PLCB4: variants seen among roughly 807,000 people sequenced by gnomAD.
PLCB4 encodes the protein 1-phosphatidylinositol 4,5-bisphosphate phosphodiesterase beta-4.
Under a neutral mutation model 178.8 loss-of-function variants are expected in PLCB4, and 77 were observed. The ratio of observed to expected loss-of-function variants is 0.43; its 90% confidence interval spans 0.36 to 0.52. The LOEUF (loss-of-function observed/expected upper bound fraction) is 0.52, where lower values mean the gene tolerates loss of function less well. Among genes scored for constraint, PLCB4 ranks in the 20% least tolerant of loss-of-function variants. PLCB4 has a pLI of 0.00. For missense variants in PLCB4, 1,024 were observed against 1,453.4 expected, an observed-to-expected ratio of 0.70 and a Z score of 4.80; for synonymous variants, 496 against 490.8, an observed-to-expected ratio of 1.01 and a Z score of -0.14.
chr20:9,193,199 T>C (rs879216990), intron 2 of PLCB4, among the ~76,000 whole-genome samples: 1 of 152,188 alleles, frequency 6.6e-6, no homozygotes, highest in Admixed American at 6.5e-5. Context: ...TGAGTGCAAG[T>C]GACTTATTGG....
chr20:9,338,253 GAC>G (rs2032737654), intron 6 of PLCB4, among the ~76,000 whole-genome samples, 186 bp downstream of exon 6: 1 of 152,148 alleles, frequency 6.6e-6, no homozygotes, highest in Non-Finnish European at 1.5e-5. Context: ...AAACCTCTGT[GAC>G]TCTCCTCTGG....
intron 20 of PLCB4, among the ~76,000 whole-genome samples, chr20:9,403,071 G>A (rs1244108955): frequency 6.6e-6 from 1 of 152,142 alleles, no homozygotes; most frequent in Non-Finnish European, 1.5e-5. Context: ...GATGGTTTGT[G>A]ACATGTCAAG....
At chr20:9,412,402 A>T (rs866908004) in intron 25 of PLCB4, among the ~76,000 whole-genome samples, 15 of 152,182 alleles carry the variant, frequency 9.9e-5, no homozygotes, top group South Asian at 4.1e-4. Flanking sequence ...TGTATTGCCT[A>T]GAGCAGGTGT....
At position 9,362,893 on chromosome 20, in the gene PLCB4, C is replaced by T. The variant is rs1412832681; in HGVS notation, c.370-3C>T. 1.9e-6 allele frequency: 3 copies of T among 1,606,194 alleles called. No homozygotes were observed. In the African/African-American group the frequency reaches 4.0e-5, roughly 21 times the overall value. ...CCAAGAATATTTTTTCTTTCTCTTT[C>T]AGCAATGGGTAGAAGGCCTGAGATC... On this transcript the variant is annotated splice_region_variant and splice_polypyrimidine_tract_variant and intron_variant, in intron 7 of 39. Transcript: ENST00000378473.
At chr20:9,218,104 C>CTGTT in intron 3 of PLCB4, among the ~76,000 whole-genome samples, 1 of 152,148 alleles carries the variant, frequency 6.6e-6, no homozygotes, top group East Asian at 1.9e-4. Context: ...GATCAAATTG[C>CTGTT]TGTTTGTTTA....
In PLCB4 at chr20:9,206,778, A is replaced by T. The variant is rs1304326338; in HGVS notation, c.-78-10612A>T. ...GACCTTGAAGTTTATGTGTCATCTC[A>T]AATGTATTCAAGAGTTCTGGATACA... On this transcript the variant is annotated intron_variant, in intron 2 of 39. Transcript: ENST00000378473. Among the ~76,000 whole-genome samples, 4 of 152,246 alleles carry T rather than the reference A, an allele frequency of 2.6e-5. No homozygotes were observed. In the East Asian group the frequency reaches 5.8e-4, roughly 22 times the overall value.
In PLCB4 at chr20:9,261,359, A is replaced by G. The variant is rs371481481; in HGVS notation, c.-16+43907A>G. 4.7e-4 allele frequency among the ~76,000 whole-genome samples: 71 copies of G among 152,336 alleles called. 1 individual carries two copies. The South Asian group carries it at 0.014, about 30-fold the overall frequency. On this transcript the variant is annotated intron_variant, in intron 3 of 39. Coordinates refer to ENST00000378473, the MANE Select transcript of PLCB4 (RefSeq NM_001377142.1). ...ATTAAATACTTACAGTAATTCTGCC[A>G]TCCAGATATAAACACTAATAATATT... is the stretch of plus-strand genomic sequence containing the variant.
At chr20:9,212,293 C>T (rs1323118097) in intron 2 of PLCB4, among the ~76,000 whole-genome samples, 1 of 152,222 alleles carries the variant, frequency 6.6e-6, no homozygotes, top group Non-Finnish European at 1.5e-5. Context: ...GCTTGCAAAA[C>T]AATCATTTCC....
At chr20:9,425,602 T>C (rs2040942203) in intron 28 of PLCB4, among the ~76,000 whole-genome samples, 1 of 152,264 alleles carries the variant, frequency 6.6e-6, no homozygotes, top group Non-Finnish European at 1.5e-5. Context: ...CCATGTTGTA[T>C]TTAAGTATTT....
chr20:9,401,522 A>C lies in PLCB4; in HGVS notation c.1543A>C (p.Lys515Gln). 6.2e-7 allele frequency: 1 copy of C among 1,613,960 alleles called. No homozygotes were observed. Among genetic ancestry groups the C allele is most frequent in the Non-Finnish European group, 8.5e-7 (1 of 1,179,894 alleles). The change falls in exon 20 of 40, where the codon AAA becomes CAA. Residue 515 changes from lysine to glutamine, a missense_variant. Physicochemically the swap from Lys to Gln is moderately conservative, Grantham distance 53 (BLOSUM62 1). Transcript: ENST00000378473. ...AGAGGAGGAAGCTCACCCCGAATTC[A>C]AATTTGGAAATGAACTTTCTGCTGA... is the stretch of plus-strand genomic sequence containing the variant. ...DQEEEAHPEF[K>Q]FGNELSADDL...
intron 28 of PLCB4, among the ~76,000 whole-genome samples, chr20:9,425,388 G>T (rs984983453): frequency 2.6e-5 from 4 of 152,222 alleles, no homozygotes; most frequent in Non-Finnish European, 5.9e-5. Context: ...CTCTGCATGG[G>T]TTAACTTCCC....
intron 2 of PLCB4, among the ~76,000 whole-genome samples, chr20:9,167,103 G>A (rs117942976): frequency 0.012 from 1,827 of 151,872 alleles, 15 homozygotes; most frequent in Middle Eastern, 0.021. Context: ...GACATGTATA[G>A]GTATGATTTG....
At chr20:9,103,358 T>C (rs2091249341) in intron 2 of PLCB4, among the ~76,000 whole-genome samples, 2 of 152,226 alleles carry the variant, frequency 1.3e-5, no homozygotes, top group South Asian at 4.1e-4. Flanking sequence ...ACCCATTACA[T>C]GTTAACGTAA....
intron 3 of PLCB4, 22 bp from the exon 4 acceptor site, chr20:9,307,778 A>C (rs746282405): frequency 1.3e-5 from 15 of 1,113,964 alleles, no homozygotes; most frequent in Admixed American, 2.0e-5. Flanking sequence ...TATACTAACG[A>C]GCTATTCTTT....
chr20:9,180,835 T>G (rs1388211443), intron 2 of PLCB4, among the ~76,000 whole-genome samples: 1 of 152,248 alleles, frequency 6.6e-6, no homozygotes, highest in Non-Finnish European at 1.5e-5. Flanking sequence ...TCTGTCTGGA[T>G]GCTATTTCTG....
intron 2 of PLCB4, among the ~76,000 whole-genome samples, chr20:9,151,837 GAA>G: frequency 6.6e-6 from 1 of 152,290 alleles, no homozygotes; most frequent in African/African-American, 2.4e-5. Context: ...GAAAATGTGG[GAA>G]AGTTTGGAAC....
intron 3 of PLCB4, among the ~76,000 whole-genome samples, chr20:9,281,303 A>G (rs1392387179): frequency 6.6e-6 from 1 of 152,046 alleles, no homozygotes; most frequent in Non-Finnish European, 1.5e-5. Flanking sequence ...AGAACATTTT[A>G]GAATGCAGTA....
intron 3 of PLCB4, among the ~76,000 whole-genome samples, chr20:9,250,952 A>G (rs1173567701): frequency 6.6e-6 from 1 of 152,220 alleles, no homozygotes; most frequent in Non-Finnish European, 1.5e-5. Context: ...GTGTGTTAGT[A>G]TAGTAGTGAC....
chr20:9,176,613 ATATTT>A (rs1381446548), intron 2 of PLCB4, among the ~76,000 whole-genome samples: 7 of 152,362 alleles, frequency 4.6e-5, no homozygotes, highest in African/African-American at 1.7e-4. Flanking sequence ...AAATGTATAC[ATATTT>A]TATTATATCA....
Sources: allele counts gnomAD v4.1 joint callset (sites outside exome capture counted in the v4.1 genomes callset), GRCh38; gene constraint gnomAD v4.1.1; transcripts MANE v1.5; gene names NCBI Gene and HGNC (gene_info 2026-07-23, HGNC 2026-07-21).